The following ARL5B variants were observed in gnomAD, a reference collection of about 807,000 sequenced individuals.
ARL5B encodes ARF like GTPase 5B, also known as ADP-ribosylation factor-like protein 5B.
Under a neutral mutation model 26.9 loss-of-function variants are expected in ARL5B, and 10 were observed. The observed-to-expected ratio is 0.37, with a 90% CI of 0.23 to 0.63. The LOEUF (loss-of-function observed/expected upper bound fraction) is 0.63, where lower values mean the gene tolerates loss of function less well. Ranked by LOEUF, ARL5B falls within the 30% of genes least tolerant of loss-of-function variation. ARL5B has a pLI of 0.62. For synonymous variants in ARL5B, 87 were observed against 70.4 expected (o/e 1.24, Z -1.18); for missense variants, 167 against 213.9 (o/e 0.78, Z 1.37).
rs1264399013 is a variant in ARL5B, at chr10:18,681,271, T to A, written c.*6055T>A. 2.0e-5 allele frequency: 3 copies of A among 152,118 alleles called. No individual in the cohort carries two copies. The highest frequency in any genetic ancestry group is 4.4e-5 in the Non-Finnish European group (3 of 68,002). 9.4% of individuals were successfully genotyped at this position (152,118 alleles called of 1,614,324 possible). The stretch of plus-strand genomic sequence containing the variant: ...AAGCATTAACAACAACAACAAAAAA[T>A]TTAAAACAAGTAAATTAATGCATTC... On this transcript the variant is annotated 3_prime_UTR_variant, in exon 6 of 6. Transcript: ENST00000377275.
At position 18,664,991 on chromosome 10, in the gene ARL5B, C is replaced by G. The variant is rs570782779; in HGVS notation, c.47-1584C>G. Among the ~76,000 whole-genome samples the G allele has an allele frequency of 1.7e-3, 261 of 152,268 alleles. 12 individuals carry two copies. In the South Asian group the frequency reaches 0.053, roughly 31 times the overall value. ...TTATCTGCCTTCAAGTTTTGCTTAT[C>G]TTTAAACTAGTGGCTTCCTTCTCAC... On this transcript the variant is annotated intron_variant, in intron 1 of 5. Coordinates refer to ENST00000377275, the MANE Select transcript of ARL5B (RefSeq NM_178815.5).
chr10:18,677,056 A>G lies in ARL5B; in HGVS notation c.*1840A>G, dbSNP rs2059913490. The G allele has an allele frequency of 6.6e-6, 1 of 152,220 alleles. No homozygotes were observed. Among genetic ancestry groups the G allele is most frequent in the South Asian group, 2.1e-4 (1 of 4,830 alleles). The allele number at this position is 152,220 out of a possible 1,614,324, so 9.4% of individuals were successfully genotyped here. On this transcript the variant is annotated 3_prime_UTR_variant, in exon 6 of 6. Transcript: ENST00000377275. ...GGTGTGTGTGGGATGTGGGGGAATT[A>G]AGAAAATGCCATTTACCTAAGCACA...
chr10:18,675,102 A>G, intron 5 of ARL5B, 66 bp from the exon 6 acceptor site: 1 of 1,474,022 alleles, frequency 6.8e-7, no homozygotes, highest in Non-Finnish European at 9.4e-7. Flanking sequence ...ACCTAAAAAT[A>G]ATAAGTACGC....
At chr10:18,671,155 A>T (rs141876332) in intron 3 of ARL5B, among the ~76,000 whole-genome samples, 1 of 152,120 alleles carries the variant, frequency 6.6e-6, no homozygotes, top group African/African-American at 2.4e-5. Context: ...TATTCAGATT[A>T]GTTGTCTGTT....
intron 3 of ARL5B, among the ~76,000 whole-genome samples, chr10:18,670,727 TATC>T (rs1188439473): frequency 6.6e-6 from 1 of 152,240 alleles, no homozygotes; most frequent in African/African-American, 2.4e-5. Flanking sequence ...AAAGGGCAGT[TATC>T]ATTGATGAAT....
chr10:18,666,631 C>A lies in ARL5B; in HGVS notation c.103C>A (p.Gln35Lys). Reference protein sequence around the residue: ...DNAGKTTILYQFLMNEVVHTS... With the variant: ...DNAGKTTILYKFLMNEVVHTS... ...TGCAGGGAAAACCACCATTCTTTACCAATTGTAAGTATGGGTGTTTATTAA... is the reference window on the plus strand; with the variant it reads ...TGCAGGGAAAACCACCATTCTTTACAAATTGTAAGTATGGGTGTTTATTAA... The change falls in exon 2 of 6, where the codon CAA becomes AAA. Residue 35 changes from glutamine to lysine, a missense_variant. Coordinates refer to ENST00000377275, the MANE Select transcript of ARL5B (RefSeq NM_178815.5). 1.2e-6 allele frequency: 2 copies of A among 1,605,442 alleles called. No homozygotes were observed. Among genetic ancestry groups the A allele is most frequent in the Non-Finnish European group, 1.7e-6 (2 of 1,175,090 alleles).
At chr10:18,666,864 T>C (rs952406311) in intron 2 of ARL5B, among the ~76,000 whole-genome samples, 5 of 152,218 alleles carry the variant, frequency 3.3e-5, no homozygotes, top group Admixed American at 1.3e-4. Context: ...AAGAAATTAA[T>C]ATTAAATAAA....
chr10:18,666,715 A>T, intron 2 of ARL5B, 80 bp downstream of exon 2: 4 of 1,198,510 alleles, frequency 3.3e-6, no homozygotes, highest in Non-Finnish European at 4.6e-6. Flanking sequence ...ATGCATTATA[A>T]TAATGACGGA....
At position 18,676,584 on chromosome 10, in the gene ARL5B, G is replaced by C. The variant is rs887703137; in HGVS notation, c.*1368G>C. ...CCTGTTTATTCAAATGTGTGATTTT[G>C]CTGAAATGAAAGGGATAAAATGAAT... On this transcript the variant is annotated 3_prime_UTR_variant, in exon 6 of 6. Transcript: ENST00000377275. 12 of 151,972 alleles carry C rather than the reference G, an allele frequency of 7.9e-5. No homozygotes were observed. The highest frequency in any genetic ancestry group is 1.3e-4 in the Admixed American group (2 of 15,248). The allele number at this position is 151,972 out of a possible 1,614,324, so 9.4% of individuals were successfully genotyped here. A position where few individuals can be genotyped will look rare whatever the true frequency, so the allele number is the denominator to read the frequency against.
intron 3 of ARL5B, among the ~76,000 whole-genome samples, chr10:18,671,042 C>T (rs942463586): frequency 1.4e-5 from 2 of 145,558 alleles, no homozygotes; most frequent in Admixed American, 7.0e-5. Flanking sequence ...ATTATTGACA[C>T]CTTCCTCTCA....
Position 18,674,099 on chromosome 10 carries a change from G to T in ARL5B, c.455G>T (p.Trp152Leu). Residue 152 changes from tryptophan (W) to leucine (L), a missense_variant, in exon 5 of 6, where the codon TGG becomes TTG. Coordinates refer to ENST00000377275, the MANE Select transcript of ARL5B (RefSeq NM_178815.5). ...LTLSSIKDHP[W>L]HIQSCCALTG... ...CTTAGTTCAATTAAGGATCATCCATGGCACATTCAATCCTGCTGTGCTCTC... is the reference window on the plus strand; with the variant it reads ...CTTAGTTCAATTAAGGATCATCCATTGCACATTCAATCCTGCTGTGCTCTC... 1 of 1,612,466 alleles carries T rather than the reference G, an allele frequency of 6.2e-7. No individual in the cohort carries two copies. Among genetic ancestry groups the T allele is most frequent in the African/African-American group, 1.3e-5 (1 of 74,876 alleles).
chr10:18,664,796 T>C lies in ARL5B; in HGVS notation c.47-1779T>C, dbSNP rs117159615. 4.8e-3 allele frequency among the ~76,000 whole-genome samples: 726 copies of C among 152,256 alleles called. 8 individuals carry two copies. The highest frequency in any genetic ancestry group is 7.1e-3 in the Non-Finnish European group (482 of 68,012). Reference sequence around the variant, plus strand: ...GTTAGGGACCTACCTTTCAAAATGGTGCATTATTGGTGAGTTTTACCATCA... The same window carrying C: ...GTTAGGGACCTACCTTTCAAAATGGCGCATTATTGGTGAGTTTTACCATCA... On this transcript the variant is annotated intron_variant, in intron 1 of 5. Coordinates refer to ENST00000377275, the MANE Select transcript of ARL5B (RefSeq NM_178815.5).
rs1404757611 is a variant in ARL5B, at chr10:18,676,718, A to T, written c.*1502A>T. On this transcript the variant is annotated 3_prime_UTR_variant, in exon 6 of 6. Transcript: ENST00000377275. ...TCAAAATTGGTATTTTAATTTTAAT[A>T]TTTTTGTAAGTTGATTTAAATTTTG... The T allele has an allele frequency of 1.3e-5, 2 of 151,956 alleles. No individual in the cohort carries two copies. Among genetic ancestry groups the T allele is most frequent in the East Asian group, 3.8e-4 (2 of 5,200 alleles). The allele number at this position is 151,956 out of a possible 1,614,324, so 9.4% of individuals were successfully genotyped here. A position where few individuals can be genotyped will look rare whatever the true frequency, so the allele number is the denominator to read the frequency against.
At chr10:18,668,802 G>T (rs958552600) in intron 3 of ARL5B, 125 bp downstream of exon 3, 87 of 1,010,410 alleles carry the variant, frequency 8.6e-5, no homozygotes, top group Non-Finnish European at 1.1e-4. Flanking sequence ...ACGGAGTCTT[G>T]CTCTGTCGCC....
chr10:18,661,179 G>C (rs747596712), intron 1 of ARL5B, among the ~76,000 whole-genome samples: 1 of 152,194 alleles, frequency 6.6e-6, no homozygotes, highest in Non-Finnish European at 1.5e-5. Flanking sequence ...ATGCTTAAAG[G>C]TATAAAGATT....
chr10:18,668,726 A>T (rs1249939350), intron 3 of ARL5B, 49 bp downstream of exon 3: 1 of 1,578,872 alleles, frequency 6.3e-7, no homozygotes, highest in South Asian at 1.2e-5. Flanking sequence ...CCTAGAGTAA[A>T]CATAGAAAGT....
chr10:18,675,080 C>T, intron 5 of ARL5B, 88 bp from the exon 6 acceptor site: 1 of 1,173,094 alleles, frequency 8.5e-7, no homozygotes, highest in Non-Finnish European at 1.2e-6. Flanking sequence ...GTGCTACCAG[C>T]CTTTGGTTAA....
In ARL5B at chr10:18,676,592, G is replaced by A. The variant is rs1216452493; in HGVS notation, c.*1376G>A. On this transcript the variant is annotated 3_prime_UTR_variant, in exon 6 of 6. Coordinates refer to ENST00000377275, the MANE Select transcript of ARL5B (RefSeq NM_178815.5). The stretch of plus-strand genomic sequence containing the variant: ...TTCAAATGTGTGATTTTGCTGAAAT[G>A]AAAGGGATAAAATGAATACTTAGAG... 1 of 151,972 alleles carries A rather than the reference G, an allele frequency of 6.6e-6. No individual in the cohort carries two copies. The highest frequency in any genetic ancestry group is 6.6e-5 in the Admixed American group (1 of 15,254). The allele number at this position is 151,972 out of a possible 1,614,324, so 9.4% of individuals were successfully genotyped here.
In ARL5B at chr10:18,663,610, G is replaced by A. The variant is rs549698335; in HGVS notation, c.47-2965G>A. ...GTCGCCCAGGCTGGAGTGCAGTGGC[G>A]TTATCTCGGCTCACTGCAAGCTCTG... On this transcript the variant is annotated intron_variant, in intron 1 of 5. Coordinates refer to ENST00000377275, the MANE Select transcript of ARL5B (RefSeq NM_178815.5). Among the ~76,000 whole-genome samples the A allele has an allele frequency of 1.2e-4, 18 of 146,326 alleles. No homozygotes were observed. The South Asian group carries it at 2.8e-3, about 23-fold the overall frequency.
Sources: gnomAD v4.1 joint callset for allele counts (sites outside exome capture counted in the v4.1 genomes callset) on GRCh38, gnomAD v4.1.1 for gene constraint, MANE v1.5 for transcripts, NCBI Gene and HGNC (gene_info 2026-07-23, HGNC 2026-07-21) for gene names.